AKT3: variants seen among roughly 807,000 people sequenced by gnomAD.
AKT3 encodes the protein AKT serine/threonine kinase 3, also known as RAC-gamma serine/threonine-protein kinase.
In AKT3, 15 loss-of-function variants were observed where a neutral mutation model predicts 65.3. That is an observed-to-expected ratio of 0.23 (90% CI 0.15 to 0.35). AKT3 has a LOEUF of 0.35. Ranked by LOEUF, AKT3 falls within the 10% of genes least tolerant of loss-of-function variation. The pLI is 1.00. For missense variants in AKT3, 243 were observed against 576.5 expected (o/e 0.42, Z 5.92); for synonymous variants, 206 against 183.8 (o/e 1.12, Z -0.98).
intron 2 of AKT3, among the ~76,000 whole-genome samples, chr1:243,718,039 A>C (rs896209623): frequency 6.6e-6 from 1 of 152,236 alleles, no homozygotes; most frequent in African/African-American, 2.4e-5. Flanking sequence ...AAGGTCAAAG[A>C]AGAGAGCTAC....
At chr1:243,593,099 C>T (rs1042879278) in intron 8 of AKT3, among the ~76,000 whole-genome samples, 13 of 152,048 alleles carry the variant, frequency 8.5e-5, no homozygotes, top group Non-Finnish European at 1.5e-4. Flanking sequence ...TTCCACCACC[C>T]CTTTAAAGAA....
chr1:243,639,628 G>A (rs1352686917), intron 5 of AKT3, among the ~76,000 whole-genome samples: 1 of 152,072 alleles, frequency 6.6e-6, no homozygotes, highest in Non-Finnish European at 1.5e-5. Flanking sequence ...TGACATATCG[G>A]GAAGTTACCC....
chr1:243,771,016 G>A (rs893437190), intron 2 of AKT3, among the ~76,000 whole-genome samples: 1 of 152,054 alleles, frequency 6.6e-6, no homozygotes, highest in Admixed American at 6.6e-5. Context: ...ATGATTTCAG[G>A]GAAAAAGGAA....
downstream of AKT3, among the ~76,000 whole-genome samples, chr1:243,498,613 A>G (rs916771347): frequency 6.6e-6 from 1 of 152,262 alleles, no homozygotes; most frequent in African/African-American, 2.4e-5. Context: ...ATCTACTTGA[A>G]ATGTAAACAT....
At position 243,572,848 on chromosome 1, in the gene AKT3, AT is replaced by A. The variant is rs1378838528; in HGVS notation, c.819+77del. The stretch of plus-strand genomic sequence containing the variant: ...CTAAATCTGCTTTTCTCAAAACTGT[AT>A]AACTTTGTAATTACTTTATGTTTGT... On this transcript the variant is annotated intron_variant, in intron 9 of 13. Transcript: ENST00000673466. 17 of 1,389,596 alleles carry A rather than the reference AT, an allele frequency of 1.2e-5. No individual in the cohort carries two copies. The Middle Eastern group carries it at 7.6e-4, about 62-fold the overall frequency. 86.1% of individuals were successfully genotyped at this position (1,389,596 alleles called of 1,614,324 possible). A position where few individuals can be genotyped will look rare whatever the true frequency, so the allele number is the denominator to read the frequency against.
At chr1:243,521,058 G>C (rs1670689153) in intron 12 of AKT3, among the ~76,000 whole-genome samples, 1 of 152,172 alleles carries the variant, frequency 6.6e-6, no homozygotes, top group Non-Finnish European at 1.5e-5. Context: ...TTAGTAACAA[G>C]TCACGTGCTA....
At chr1:243,519,433 T>C (rs1172536363) in intron 12 of AKT3, among the ~76,000 whole-genome samples, 5 of 152,134 alleles carry the variant, frequency 3.3e-5, no homozygotes, top group African/African-American at 1.2e-4. Flanking sequence ...GATAAAGCAA[T>C]GGGTATGAAG....
intron 2 of AKT3, among the ~76,000 whole-genome samples, chr1:243,735,400 C>G (rs1249617984): frequency 6.6e-6 from 1 of 152,116 alleles, no homozygotes; most frequent in East Asian, 1.9e-4. Flanking sequence ...ATATGCAGTC[C>G]ATCATTGACT....
intron 12 of AKT3, among the ~76,000 whole-genome samples, chr1:243,544,273 A>AGG (rs759643884): frequency 4.2e-5 from 5 of 119,988 alleles, no homozygotes; most frequent in Non-Finnish European, 6.9e-5. Context: ...AAGCAGGGGG[A>AGG]GGGGGGGACA....
chr1:243,558,830 C>T (rs911051122), intron 10 of AKT3, among the ~76,000 whole-genome samples: 1 of 152,072 alleles, frequency 6.6e-6, no homozygotes, highest in Non-Finnish European at 1.5e-5. Flanking sequence ...AGATGATTAT[C>T]TGCTGGTACA....
At chr1:243,641,374 G>A (rs1029150372) in intron 5 of AKT3, among the ~76,000 whole-genome samples, 7 of 148,336 alleles carry the variant, frequency 4.7e-5, no homozygotes, top group Admixed American at 4.7e-4. Context: ...AATACACATG[G>A]CAAGTAACTC....
At chr1:243,595,122 G>A (rs896587965) in intron 8 of AKT3, among the ~76,000 whole-genome samples, 3 of 152,108 alleles carry the variant, frequency 2.0e-5, no homozygotes, top group Admixed American at 6.5e-5. Flanking sequence ...ACATCCTAGG[G>A]TTTACTTACA....
intron 3 of AKT3, among the ~76,000 whole-genome samples, chr1:243,671,955 C>T (rs1683181960): frequency 6.6e-6 from 1 of 152,234 alleles, no homozygotes; most frequent in Non-Finnish European, 1.5e-5. Flanking sequence ...TCTGTCAAAG[C>T]CATAGGAATG....
intron 3 of AKT3, among the ~76,000 whole-genome samples, chr1:243,693,444 A>G (rs968838859): frequency 6.6e-6 from 1 of 151,408 alleles, no homozygotes; most frequent in Non-Finnish European, 1.5e-5. Context: ...GACATTCTTC[A>G]TTGCCCTCTG....
rs1670071201 is a variant in AKT3 at position 243,512,428 on chromosome 1, TG to T, written c.1252-3del. 1 of 1,525,228 alleles carries T rather than the reference TG, an allele frequency of 6.6e-7. No individual in the cohort carries two copies. The highest frequency in any genetic ancestry group is 8.9e-7 in the Non-Finnish European group (1 of 1,123,806). 94.5% of individuals were successfully genotyped at this position (1,525,228 alleles called of 1,614,324 possible). On this transcript the variant is annotated splice_polypyrimidine_tract_variant and splice_region_variant and intron_variant, in intron 12 of 13. Transcript: ENST00000673466. ...TTGAGGTTTAAAAGGAGGTACAAGCTGTAAAAAGAAAGAAAAAGAGTTTTAT... is the reference window on the plus strand; with the variant it reads ...TTGAGGTTTAAAAGGAGGTACAAGCTTAAAAAGAAAGAAAAAGAGTTTTAT...
At chr1:243,529,660 T>G (rs998552010) in intron 12 of AKT3, among the ~76,000 whole-genome samples, 1 of 152,244 alleles carries the variant, frequency 6.6e-6, no homozygotes, top group East Asian at 1.9e-4. Flanking sequence ...GTGTCTGTTT[T>G]TGTACCATTA....
intron 2 of AKT3, among the ~76,000 whole-genome samples, chr1:243,836,216 C>G (rs1464757827): frequency 3.3e-5 from 5 of 151,874 alleles, no homozygotes; most frequent in African/African-American, 1.2e-4. Flanking sequence ...GATGCAAACA[C>G]TAATCATAAA....
intron 11 of AKT3, among the ~76,000 whole-genome samples, chr1:243,549,107 T>C (rs976243498): frequency 1.3e-5 from 2 of 152,192 alleles, no homozygotes; most frequent in Non-Finnish European, 2.9e-5. Flanking sequence ...CTCCTAGATA[T>C]AGTTATGGTT....
intron 11 of AKT3, among the ~76,000 whole-genome samples, chr1:243,545,859 T>C (rs1009534478): frequency 6.6e-6 from 1 of 152,222 alleles, no homozygotes; most frequent in Non-Finnish European, 1.5e-5. Context: ...CTGGCACTTA[T>C]GAGATGTGTG....
Sources: gnomAD v4.1 joint callset for allele counts (sites outside exome capture counted in the v4.1 genomes callset) on GRCh38, gnomAD v4.1.1 for gene constraint, MANE v1.5 for transcripts, NCBI Gene and HGNC (gene_info 2026-07-23, HGNC 2026-07-21) for gene names.